Variants in RECQL5 observed in about 807,000 individuals in gnomAD.
RECQL5 encodes the protein ATP-dependent DNA helicase Q5.
A neutral mutation model predicts 103.4 loss-of-function variants in RECQL5; 88 were observed. The ratio of observed to expected loss-of-function variants is 0.85; its 90% CI spans 0.72 to 1.02. RECQL5 has a LOEUF of 1.02. RECQL5 is among the 50% of genes least tolerant of loss of function. The pLI, the probability that RECQL5 is intolerant of heterozygous loss-of-function variation, is 0.00. For synonymous variants in RECQL5, 552 were observed against 507.9 expected (o/e 1.09, Z -1.17); for missense variants, 1,232 against 1,284.3 (o/e 0.96, Z 0.62).
intron 14 of RECQL5, 97 bp downstream of exon 14, chr17:75,630,087 C>T (rs1352128836): frequency 1.7e-6 from 2 of 1,146,790 alleles, no homozygotes; most frequent in South Asian, 1.6e-5. Context: ...AGGGTGAGTT[C>T]TGGGCTGCCT....
At chr17:75,666,706 G>T in intron 1 of RECQL5, 135 bp from the exon 2 acceptor site, 1 of 832,962 alleles carries the variant, frequency 1.2e-6, no homozygotes, top group Non-Finnish European at 1.8e-6. Context: ...AAGTAATAAA[G>T]CTGAAGGTGA....
rs373202958 is a variant in RECQL5 at position 75,662,643 on chromosome 17, C to T, written c.607G>A (p.Val203Met). 6.8e-6 allele frequency: 11 copies of T among 1,614,044 alleles called. No homozygotes were observed. Among genetic ancestry groups the T allele is most frequent in the African/African-American group, 5.3e-5 (4 of 74,922 alleles). The part of the protein sequence containing the change: ...ATATPQVQED[V>M]FAALHLKKPV... The stretch of plus-strand genomic sequence containing the variant: ...TTCTTCAGGTGCAGGGCAGCAAACA[C>T]GTCCTCTTGGACCTGTGGGGTGGCT... Residue 203 changes from valine (V) to methionine (M), a missense_variant, in exon 4 of 20, where the codon GTG (valine) becomes ATG (methionine). Coordinates refer to ENST00000317905, the MANE Select transcript of RECQL5 (RefSeq NM_004259.7).
In RECQL5 at chr17:75,628,666, C is replaced by T. The variant is rs376300312; in HGVS notation, c.2580+6G>A. On this transcript the variant is annotated splice_donor_region_variant and intron_variant, in intron 17 of 19. Coordinates refer to ENST00000317905, the MANE Select transcript of RECQL5 (RefSeq NM_004259.7). ...TCCTCCCCAACAGACTCATCCCTGCCGGCACCTGCTGGGATCGAGGCCGCT... is the reference window on the plus strand; with the variant it reads ...TCCTCCCCAACAGACTCATCCCTGCTGGCACCTGCTGGGATCGAGGCCGCT... 30 of 1,582,760 alleles carry T rather than the reference C, an allele frequency of 1.9e-5. No homozygotes were observed. The highest frequency in any genetic ancestry group is 4.6e-5 in the South Asian group (4 of 86,660).
chr17:75,627,248 G>GATTCA lies in RECQL5; in HGVS notation c.*173_*174insTGAAT. The GATTCA allele has an allele frequency of 1.5e-6, 1 of 685,528 alleles. No homozygotes were observed. Among genetic ancestry groups the GATTCA allele is most frequent in the Non-Finnish European group, 2.7e-6 (1 of 377,108 alleles). The allele number at this position is 685,528 out of a possible 1,614,324, so 42.5% of individuals were successfully genotyped here. ...GGCTTTGCAAGCAGAAAGAAAGGTG[G>GATTCA]GCTGACCTCTGACCTGGATTCAGGG... On this transcript the variant is annotated 3_prime_UTR_variant, in exon 20 of 20. Transcript: ENST00000317905.
chr17:75,650,472 C>T (rs986348456), intron 8 of RECQL5: 3 of 1,385,774 alleles, frequency 2.2e-6, no homozygotes, highest in Non-Finnish European at 2.8e-6. Context: ...CTCAGTCTAC[C>T]ATGAGCTTCG....
chr17:75,647,315 T>G (rs918934101), intron 8 of RECQL5: 1 of 1,453,558 alleles, frequency 6.9e-7, no homozygotes, highest in Admixed American at 2.1e-5. Context: ...GCATAGCACC[T>G]GGGACAGGGC....
chr17:75,631,051 G>A lies in RECQL5; in HGVS notation c.1549-41C>T, dbSNP rs761589366. 3.7e-6 allele frequency: 6 copies of A among 1,611,378 alleles called. No homozygotes were observed. In the Admixed American group the frequency reaches 6.7e-5, roughly 18 times the overall value. On this transcript the variant is annotated intron_variant, in intron 10 of 19. Coordinates refer to ENST00000317905, the MANE Select transcript of RECQL5 (RefSeq NM_004259.7). The stretch of plus-strand genomic sequence containing the variant: ...AAGGACCCATGAGGCGTCCTGCCCT[G>A]CCGCAGGACAGTCCCATCCAGCACC...
At chr17:75,629,649 A>T in intron 15 of RECQL5, 59 bp downstream of exon 15, 1 of 1,552,854 alleles carries the variant, frequency 6.4e-7, no homozygotes, top group East Asian at 2.3e-5. Context: ...CCCTGAGGGC[A>T]GAGGGGAAGT....
intron 18 of RECQL5, 126 bp downstream of exon 18, chr17:75,628,092 G>A: frequency 2.4e-6 from 2 of 820,420 alleles, no homozygotes; most frequent in East Asian, 5.3e-5. Flanking sequence ...CAGGCCCCAG[G>A]GAGGACGGGC....
chr17:75,661,915 C>T (rs978764711), intron 4 of RECQL5, among the ~76,000 whole-genome samples: 2 of 152,324 alleles, frequency 1.3e-5, no homozygotes, highest in Admixed American at 6.5e-5. Context: ...AATCCCAGCA[C>T]TTTGGGAGGC....
rs747205660 is a variant in RECQL5, at chr17:75,629,009, G to A, written c.2414C>T (p.Thr805Ile). 2 of 1,575,458 alleles carry A rather than the reference G, an allele frequency of 1.3e-6. No homozygotes were observed. Among genetic ancestry groups the A allele is most frequent in the South Asian group, 2.4e-5 (2 of 84,868 alleles). The change falls in exon 16 of 20, where the codon ACA becomes ATA. Residue 805 changes from threonine to isoleucine, a missense_variant. By Grantham distance (89) the Thr-to-Ile change is moderately conservative (BLOSUM62 -1). Transcript: ENST00000317905. ...TCCCCCGGCTCCATCTTCCTCCCCT[G>A]TGTACTTCTCTGGGGCCATCGGGGG... ...QGPPMAPEKY[T>I]GEEDGAGGHS...
chr17:75,640,126 C>T lies in RECQL5; in HGVS notation c.1230-8458G>A. The T allele has an allele frequency of 6.9e-7, 1 of 1,446,288 alleles. No homozygotes were observed. Among genetic ancestry groups the T allele is most frequent in the Non-Finnish European group, 9.1e-7 (1 of 1,102,796 alleles). 89.6% of individuals were successfully genotyped at this position (1,446,288 alleles called of 1,614,324 possible). ...TCTCGGTGCTGCGACGAGTGTGGGG[C>T]CAGCCGTGGAGGCTCCAGGTGTTCT... On this transcript the variant is annotated intron_variant, in intron 8 of 19. Coordinates refer to ENST00000317905, the MANE Select transcript of RECQL5 (RefSeq NM_004259.7). This position sits in a 1 kb window ranked among gnomAD's most constrained non-coding sequence, Gnocchi z 4.6.
chr17:75,665,708 A>G (rs559532931), intron 2 of RECQL5, among the ~76,000 whole-genome samples: 91 of 152,014 alleles, frequency 6.0e-4, no homozygotes, highest in East Asian at 3.9e-3. Flanking sequence ...AAAAAAAAAA[A>G]AAGAAGTCTG....
chr17:75,648,056 C>T (rs1247847588), intron 8 of RECQL5: 1 of 167,220 alleles, frequency 6.0e-6, no homozygotes, highest in African/African-American at 2.4e-5. Context: ...GGCCTGCACG[C>T]TCTAGCCTGC....
intron 8 of RECQL5, chr17:75,641,248 C>T: frequency 4.5e-6 from 1 of 222,196 alleles, no homozygotes; most frequent in Non-Finnish European, 9.2e-6. Flanking sequence ...GGGCAATTGG[C>T]CCTTGGGGCT....
intron 8 of RECQL5, chr17:75,633,759 C>T: frequency 1.9e-6 from 2 of 1,035,938 alleles, no homozygotes; most frequent in Non-Finnish European, 2.3e-6. Flanking sequence ...CTCCCCTCCA[C>T]AGGCTCAGGT....
At chr17:75,642,935 C>G (rs1226839891) in intron 8 of RECQL5, among the ~76,000 whole-genome samples, 1 of 152,214 alleles carries the variant, frequency 6.6e-6, no homozygotes, top group Non-Finnish European at 1.5e-5. Flanking sequence ...AACTTGGCCT[C>G]CTGGTTGCAG....
chr17:75,628,599 A>G (rs2059147713), intron 17 of RECQL5, 73 bp downstream of exon 17: 1 of 1,517,184 alleles, frequency 6.6e-7, no homozygotes, highest in Non-Finnish European at 8.8e-7. Context: ...TGACCCCTTG[A>G]GCAGGGCACA....
At position 75,667,146 on chromosome 17, in the gene RECQL5, T is replaced by G. The variant is rs183640895; in HGVS notation, c.-117A>C. ...CCCCAACTCAGAGAAGCCAAAGCGC[T>G]GGGAATTCAGCTTTAGGCAGAACCC... On this transcript the variant is annotated 5_prime_UTR_variant, in exon 1 of 20. Coordinates refer to ENST00000317905, the MANE Select transcript of RECQL5 (RefSeq NM_004259.7). 7.1e-6 allele frequency: 4 copies of G among 564,638 alleles called. No homozygotes were observed. In the African/African-American group the frequency reaches 7.6e-5, roughly 11 times the overall value. The allele number at this position is 564,638 out of a possible 1,614,324, so 35.0% of individuals were successfully genotyped here.
Sources: gnomAD v4.1 joint callset for allele counts (sites outside exome capture counted in the v4.1 genomes callset) on GRCh38, gnomAD v4.1.1 for gene constraint, Gnocchi (gnomAD v3.1) non-coding constraint, MANE v1.5 for transcripts, NCBI Gene and HGNC (gene_info 2026-07-23, HGNC 2026-07-21) for gene names.